Variants in PUDP observed in about 807,000 individuals in gnomAD.
PUDP encodes pseudouridine-5'-phosphatase.
Under a neutral mutation model 9.4 loss-of-function variants are expected in PUDP, and 8 were observed. That is an observed-to-expected ratio of 0.85 (90% CI 0.50 to 1.53). The LOEUF (loss-of-function observed/expected upper bound fraction) is 1.53, where lower values mean the gene tolerates loss of function less well. Among genes scored for constraint, PUDP ranks in the 40% most tolerant of loss-of-function variants. PUDP has a pLI of 0.00. For synonymous variants in PUDP, 99 were observed against 80.7 expected (o/e 1.23, Z -1.22); for missense variants, 188 against 189.7 (o/e 0.99, Z 0.05).
At chrX:6,726,557 T>G (rs761313330) in intron 3 of PUDP, among the ~76,000 whole-genome samples, 18 of 112,109 alleles carry the variant, frequency 1.6e-4, no homozygotes, top group African/African-American at 5.8e-4. Flanking sequence ...ATATGTACAA[T>G]TGTTACCTGT....
In PUDP at chrX:6,808,811, G is replaced by A. The variant is rs1336640710; in HGVS notation, c.*248-102345C>T. Among the ~76,000 whole-genome samples, 3 of 112,330 alleles carry A rather than the reference G, an allele frequency of 2.7e-5. No homozygotes were observed. In the East Asian group the frequency reaches 8.4e-4, roughly 31 times the overall value. ...ATAGTGAGCCCACAGCATGTTTGAA[G>A]TGCCTTGTATTTTTCAGTACTCATG... On this transcript the variant is annotated intron_variant and NMD_transcript_variant, in intron 3 of 3. Transcript: ENST00000655425.
chrX:6,714,706 ATGAT>A (rs1200876948), intron 1 of PUDP, among the ~76,000 whole-genome samples: 3 of 111,594 alleles, frequency 2.7e-5, no homozygotes, highest in Non-Finnish European at 5.7e-5. Flanking sequence ...GAGATGATAG[ATGAT>A]TGATGATAGA....
intron 3 of PUDP, among the ~76,000 whole-genome samples, chrX:6,970,075 C>T (rs960733575): frequency 2.7e-5 from 3 of 111,545 alleles, no homozygotes; most frequent in African/African-American, 9.8e-5. Context: ...AATAAACTTA[C>T]AAAAGGCAGA....
chrX:6,956,337 G>T (rs1928627234), intron 3 of PUDP, among the ~76,000 whole-genome samples: 1 of 110,696 alleles, frequency 9.0e-6, no homozygotes, highest in African/African-American at 3.3e-5. Context: ...ACTATTTCTT[G>T]TTAAGTATGC....
intron 3 of PUDP, among the ~76,000 whole-genome samples, chrX:6,743,340 T>C (rs1924961990): frequency 9.0e-6 from 1 of 111,640 alleles, no homozygotes; most frequent in Admixed American, 9.5e-5. Context: ...GTGGCTTCCA[T>C]TGCTACAGGC....
intron 3 of PUDP, among the ~76,000 whole-genome samples, chrX:7,061,491 T>G (rs1324960859): frequency 9.1e-6 from 1 of 109,910 alleles, no homozygotes; most frequent in African/African-American, 3.4e-5. Flanking sequence ...CAAGGAAGGG[T>G]CCCACTGACC....
At chrX:6,837,786 G>T (rs1926606060) in intron 3 of PUDP, among the ~76,000 whole-genome samples, 1 of 110,839 alleles carries the variant, frequency 9.0e-6, no homozygotes, top group Non-Finnish European at 1.9e-5. Context: ...CCTTTCTGTG[G>T]CTAGAAATTG....
At chrX:7,114,804 T>C (rs768100091) in intron 1 of PUDP, among the ~76,000 whole-genome samples, 1 of 112,588 alleles carries the variant, frequency 8.9e-6, no homozygotes, top group Non-Finnish European at 1.9e-5. Context: ...ATTGTACATA[T>C]ACAAATGTAC....
intron 3 of PUDP, among the ~76,000 whole-genome samples, chrX:6,847,692 T>C (rs1394194433): frequency 8.9e-6 from 1 of 112,514 alleles, no homozygotes; most frequent in Admixed American, 9.4e-5. Context: ...TGGTTAGCTA[T>C]TGCTGTATAA....
chrX:6,825,202 T>A (rs1470619858), intron 3 of PUDP, among the ~76,000 whole-genome samples: 1 of 111,288 alleles, frequency 9.0e-6, no homozygotes, highest in Non-Finnish European at 1.9e-5. Context: ...GTGAAAAAAA[T>A]ATATCCCTGG....
intron 1 of PUDP, among the ~76,000 whole-genome samples, chrX:7,107,197 C>T (rs770964853): frequency 4.4e-5 from 5 of 112,498 alleles, no homozygotes; most frequent in Admixed American, 9.3e-5. Flanking sequence ...ATTAGCAGGA[C>T]GTAGTCTACC....
intron 1 of PUDP, among the ~76,000 whole-genome samples, chrX:7,030,695 T>C (rs1329573042): frequency 9.0e-6 from 1 of 111,162 alleles, no homozygotes; most frequent in Non-Finnish European, 1.9e-5. Context: ...CCCTTCCTCA[T>C]ATGCAAGAGG....
intron 3 of PUDP, among the ~76,000 whole-genome samples, chrX:6,745,629 CTGTTTGTT>C (rs769170785): frequency 4.5e-4 from 50 of 110,815 alleles, no homozygotes; most frequent in Non-Finnish European, 8.3e-4. Context: ...ATGTCACATG[CTGTTTGTT>C]TGTTTGTTTG....
chrX:7,072,926 G>A lies in PUDP; in HGVS notation c.510+4294C>T, dbSNP rs572648005. 3.5e-4 allele frequency among the ~76,000 whole-genome samples: 39 copies of A among 111,156 alleles called. 3 individuals are homozygous for A. In the South Asian group the frequency reaches 0.014, roughly 41 times the overall value. On this transcript the variant is annotated intron_variant, in intron 3 of 3. Coordinates refer to ENST00000381077, the MANE Select transcript of PUDP (RefSeq NM_012080.5). ...GCCATCATTTTTGTTTCACAACAAT[G>A]ATGGCATTTTTGTGGCTGGGAACAG...
intron 3 of PUDP, among the ~76,000 whole-genome samples, chrX:6,948,105 CGAA>C (rs1928496130): frequency 8.9e-6 from 1 of 112,080 alleles, no homozygotes; most frequent in South Asian, 3.7e-4. Context: ...ATAAAACAAA[CGAA>C]GAAGTTTTAG....
chrX:6,751,110 C>G (rs915744663), intron 3 of PUDP, among the ~76,000 whole-genome samples: 8 of 107,349 alleles, frequency 7.5e-5, no homozygotes, highest in East Asian at 2.9e-4. Context: ...CCACTGCACT[C>G]CAGCCTGGGT....
At chrX:6,793,724 C>T (rs1188063516) in intron 3 of PUDP, among the ~76,000 whole-genome samples, 1 of 111,092 alleles carries the variant, frequency 9.0e-6, no homozygotes, top group African/African-American at 3.3e-5. Flanking sequence ...TTAACCCCAG[C>T]CATGGCTAAT....
chrX:6,807,222 C>T (rs370989690), intron 3 of PUDP, among the ~76,000 whole-genome samples: 1 of 112,048 alleles, frequency 8.9e-6, no homozygotes, highest in Non-Finnish European at 1.9e-5. Flanking sequence ...TCATTCCTCA[C>T]GGAGGTCACT....
chrX:7,110,990 A>G (rs1166755668), intron 1 of PUDP, among the ~76,000 whole-genome samples: 3 of 112,023 alleles, frequency 2.7e-5, no homozygotes, highest in African/African-American at 9.7e-5. Context: ...GCTTGGGCTC[A>G]GAGGCCTGAC....
Sources: allele counts gnomAD v4.1 joint callset (sites outside exome capture counted in the v4.1 genomes callset), GRCh38; gene constraint gnomAD v4.1.1; transcripts MANE v1.5; gene names NCBI Gene and HGNC (gene_info 2026-07-23, HGNC 2026-07-21).